Variants in RORB observed in about 807,000 individuals in gnomAD.
RORB encodes the protein nuclear receptor ROR-beta.
A neutral mutation model predicts 59.1 loss-of-function variants in RORB; 6 were observed. That is an observed-to-expected ratio of 0.10 (90% CI 0.06 to 0.20). The LOEUF (loss-of-function observed/expected upper bound fraction) is 0.20. RORB is among the 10% of genes least tolerant of loss of function. RORB has a pLI of 1.00. For missense variants in RORB, 320 were observed against 560.5 expected (o/e 0.57, Z 4.33); for synonymous variants, 215 against 204.5 (o/e 1.05, Z -0.44).
chr9:74,539,331 C>T (rs765179540), intron 1 of RORB, among the ~76,000 whole-genome samples: 23 of 152,134 alleles, frequency 1.5e-4, no homozygotes, highest in Non-Finnish European at 3.4e-4. Context: ...CTCTTTATAA[C>T]ACCCCTTGAA....
In RORB at chr9:74,630,300, C is replaced by T; in HGVS notation, c.26C>T (p.Pro9Leu). The change falls in exon 2 of 10, where the codon CCA (proline) becomes CTA (leucine). Residue 9 changes from proline (P) to leucine (L), a missense_variant. Pro to Leu is a moderately conservative substitution (Grantham distance 98, BLOSUM62 -3). Coordinates refer to ENST00000376896, the MANE Select transcript of RORB (RefSeq NM_006914.4). ...CTTTCAGCACAAATTGAAGTGATAC[C>T]ATGCAAAATTTGTGGCGATAAGTCC... MRAQIEVIPCKICGDKSSG... is the reference protein window; with the variant it reads MRAQIEVILCKICGDKSSG... The T allele has an allele frequency of 6.2e-7, 1 of 1,613,144 alleles. No homozygotes were observed. The highest frequency in any genetic ancestry group is 8.5e-7 in the Non-Finnish European group (1 of 1,179,310).
At chr9:74,498,324 G>A (rs1825748647) in intron 1 of RORB, 3 of 380,564 alleles carry the variant, frequency 7.9e-6, no homozygotes, top group Non-Finnish European at 1.5e-5. Flanking sequence ...GCCGAAAGAG[G>A]GATGCCTCTG....
intron 1 of RORB, among the ~76,000 whole-genome samples, chr9:74,531,540 A>G (rs1826238476): frequency 6.6e-6 from 1 of 152,024 alleles, no homozygotes; most frequent in South Asian, 2.1e-4. Context: ...ATGCAGTTCT[A>G]TTACGAGATC....
chr9:74,517,398 A>G (rs1024906498), intron 1 of RORB, among the ~76,000 whole-genome samples: 12 of 152,050 alleles, frequency 7.9e-5, no homozygotes, highest in Non-Finnish European at 1.5e-5. Flanking sequence ...GTCTAATTAA[A>G]TACAAGCCAA....
intron 2 of RORB, among the ~76,000 whole-genome samples, chr9:74,632,639 G>A (rs1029426152): frequency 1.3e-5 from 2 of 152,268 alleles, no homozygotes; most frequent in African/African-American, 4.8e-5. Flanking sequence ...CGTAATTAAT[G>A]TCAAATTGGT....
At chr9:74,598,157 C>A (rs1278980324) in intron 1 of RORB, among the ~76,000 whole-genome samples, 1 of 152,098 alleles carries the variant, frequency 6.6e-6, no homozygotes, top group East Asian at 1.9e-4. Context: ...CGAACTCACT[C>A]TCTTGGCGTG....
chr9:74,537,976 A>G (rs953787507), intron 1 of RORB, among the ~76,000 whole-genome samples: 4 of 152,102 alleles, frequency 2.6e-5, no homozygotes, highest in Non-Finnish European at 5.9e-5. Flanking sequence ...AGAAACTTCC[A>G]GTCCTGCAAG....
At chr9:74,554,429 A>G (rs1236997258) in intron 1 of RORB, among the ~76,000 whole-genome samples, 1 of 152,140 alleles carries the variant, frequency 6.6e-6, no homozygotes, top group Non-Finnish European at 1.5e-5. Flanking sequence ...CTTTCATTTC[A>G]TTTTGGACAG....
At chr9:74,596,088 T>C (rs1396538912) in intron 1 of RORB, among the ~76,000 whole-genome samples, 3 of 152,168 alleles carry the variant, frequency 2.0e-5, no homozygotes, top group African/African-American at 7.2e-5. Context: ...TCACTCTTAT[T>C]TTGAGTAATA....
At chr9:74,610,195 G>C (rs1451081102) in intron 1 of RORB, among the ~76,000 whole-genome samples, 3 of 152,070 alleles carry the variant, frequency 2.0e-5, no homozygotes, top group Non-Finnish European at 4.4e-5. Flanking sequence ...TAAAGATCTT[G>C]GTATCTTCTG....
intron 1 of RORB, among the ~76,000 whole-genome samples, chr9:74,536,083 A>T (rs973534795): frequency 6.6e-6 from 1 of 152,098 alleles, no homozygotes; most frequent in African/African-American, 2.4e-5. Flanking sequence ...CTCTGCTTAC[A>T]TGAAGTATTC....
At chr9:74,597,194 G>A (rs189480225) in intron 1 of RORB, among the ~76,000 whole-genome samples, 8 of 152,334 alleles carry the variant, frequency 5.3e-5, no homozygotes, top group Admixed American at 5.2e-4. Context: ...TCTATAGGAA[G>A]TAGGAGCAAT....
chr9:74,594,427 T>C (rs540082626), intron 1 of RORB, among the ~76,000 whole-genome samples: 3 of 152,262 alleles, frequency 2.0e-5, no homozygotes, highest in African/African-American at 7.2e-5. Flanking sequence ...ATTTGCCTAC[T>C]CCTTAAGACA....
At chr9:74,545,350 A>G (rs1244547550) in intron 1 of RORB, among the ~76,000 whole-genome samples, 3 of 152,100 alleles carry the variant, frequency 2.0e-5, no homozygotes, top group Non-Finnish European at 4.4e-5. Context: ...GCCTTTTTGT[A>G]TCCATCAAAT....
intron 5 of RORB, 142 bp from the exon 6 acceptor site, chr9:74,662,332 C>A: frequency 2.6e-6 from 2 of 760,284 alleles, no homozygotes; most frequent in Non-Finnish European, 4.2e-6. Context: ...AAAAGTAGTG[C>A]CCTCCTTTTT....
At chr9:74,530,883 C>G (rs1300849944) in intron 1 of RORB, among the ~76,000 whole-genome samples, 1 of 151,884 alleles carries the variant, frequency 6.6e-6, no homozygotes, top group Non-Finnish European at 1.5e-5. Context: ...TACCCCCTAC[C>G]CCACGACAGG....
intron 8 of RORB, among the ~76,000 whole-genome samples, chr9:74,671,022 G>A (rs532949326): frequency 6.6e-6 from 1 of 152,186 alleles, no homozygotes; most frequent in Non-Finnish European, 1.5e-5. Flanking sequence ...TCCAACCTAA[G>A]GCATTGATGC....
At chr9:74,629,680 T>C (rs981319292) in intron 1 of RORB, among the ~76,000 whole-genome samples, 5 of 152,208 alleles carry the variant, frequency 3.3e-5, no homozygotes, top group African/African-American at 4.8e-5. Flanking sequence ...ATTAATTAGA[T>C]TATTAGCATC....
intron 4 of RORB, among the ~76,000 whole-genome samples, chr9:74,655,569 C>G (rs901371678): frequency 6.6e-6 from 1 of 152,186 alleles, no homozygotes; most frequent in Non-Finnish European, 1.5e-5. Flanking sequence ...TGGTTGGTCC[C>G]TAGAGAGGAC....
Sources: gnomAD v4.1 joint callset for allele counts (sites outside exome capture counted in the v4.1 genomes callset) on GRCh38, gnomAD v4.1.1 for gene constraint, MANE v1.5 for transcripts, NCBI Gene and HGNC (gene_info 2026-07-23, HGNC 2026-07-21) for gene names.